CLXN: variants seen among roughly 807,000 people sequenced by gnomAD.
The protein encoded by CLXN is EF-hand calcium binding domain 1.
At chr8:48,734,053 G>A in the CLXN span, among the ~76,000 whole-genome samples, 1 of 151,970 alleles carries the variant, frequency 6.6e-6, no homozygotes, top group African/African-American at 2.4e-5. Context: ...TTTAAGATGC[G>A]TACACACACC....
chr8:48,723,031 C>T, the CLXN span, among the ~76,000 whole-genome samples: 1 of 152,022 alleles, frequency 6.6e-6, no homozygotes, highest in Non-Finnish European at 1.5e-5. Flanking sequence ...TGGTAAAAGG[C>T]TACAAAATTT....
the CLXN span, chr8:48,730,579 A>G: frequency 1.1e-5 from 17 of 1,611,994 alleles, no homozygotes; most frequent in Non-Finnish European, 1.4e-5. Context: ...AGAAACAGTG[A>G]TAATCCATGA....
chr8:48,718,212 A>G, the CLXN span, among the ~76,000 whole-genome samples: 1 of 152,330 alleles, frequency 6.6e-6, no homozygotes, highest in East Asian at 1.9e-4. Flanking sequence ...AAGAAGTATT[A>G]AGTAAAAAAT....
At chr8:48,723,603 A>C in the CLXN span, 1 of 152,290 alleles carries the variant, frequency 6.6e-6, no homozygotes, top group Non-Finnish European at 1.5e-5. Context: ...GTGTGTACCA[A>C]GAAGGCAGAA....
the CLXN span, among the ~76,000 whole-genome samples, chr8:48,727,914 G>T: frequency 6.6e-6 from 1 of 152,166 alleles, no homozygotes; most frequent in South Asian, 2.1e-4. Context: ...TTAAAAGAGA[G>T]AAATTAAAGA....
the CLXN span, chr8:48,712,446 G>C: frequency 1.3e-5 from 2 of 152,254 alleles, no homozygotes; most frequent in Admixed American, 1.3e-4. Flanking sequence ...CCACATAATA[G>C]GGGCAGTGTG....
chr8:48,730,632 A>C, the CLXN span: 1 of 1,607,608 alleles, frequency 6.2e-7, no homozygotes, highest in East Asian at 2.2e-5. Context: ...ATCTTTATCA[A>C]AACCTCGGAA....
the CLXN span, among the ~76,000 whole-genome samples, chr8:48,713,329 T>G: frequency 2.4e-4 from 36 of 152,148 alleles, no homozygotes; most frequent in African/African-American, 8.4e-4. Context: ...CTAATGCAAT[T>G]CCCAATCCTC....
the CLXN span, among the ~76,000 whole-genome samples, chr8:48,714,672 T>G: frequency 2.2e-4 from 33 of 152,290 alleles, 1 homozygote; most frequent in East Asian, 5.6e-3. Context: ...ATTAAAAGAA[T>G]GTATATTGCA....
the CLXN span, among the ~76,000 whole-genome samples, chr8:48,734,857 G>A: frequency 6.6e-6 from 1 of 152,332 alleles, no homozygotes; most frequent in South Asian, 2.1e-4. Context: ...AAATGCATGT[G>A]TGGGAGTGTA....
At chr8:48,725,138 G>A in the CLXN span, among the ~76,000 whole-genome samples, 1 of 152,148 alleles carries the variant, frequency 6.6e-6, no homozygotes, top group African/African-American at 2.4e-5. Context: ...AGTCCAGGAG[G>A]AACAATCAAG....
chr8:48,712,648 C>T, the CLXN span, among the ~76,000 whole-genome samples: 8 of 152,182 alleles, frequency 5.3e-5, no homozygotes, highest in Admixed American at 2.6e-4. Context: ...CAGACGTGCG[C>T]CCAGCCTCAT....
chr8:48,729,063 C>A, the CLXN span: 8 of 1,612,118 alleles, frequency 5.0e-6, no homozygotes, highest in Non-Finnish European at 6.8e-6. Context: ...GAAGACATGG[C>A]CCAAAGGCCT....
chr8:48,716,348 G>A, the CLXN span: 1 of 152,232 alleles, frequency 6.6e-6, no homozygotes, highest in Non-Finnish European at 1.5e-5. Context: ...TGCAGCCCCG[G>A]TTCCAGCCTG....
the CLXN span, among the ~76,000 whole-genome samples, chr8:48,718,944 A>G: frequency 6.6e-6 from 1 of 152,066 alleles, no homozygotes; most frequent in Non-Finnish European, 1.5e-5. Context: ...GAAAGAAATA[A>G]TAAAGATAAA....
the CLXN span, chr8:48,724,735 T>C: frequency 2.5e-6 from 4 of 1,604,720 alleles, no homozygotes; most frequent in Non-Finnish European, 3.4e-6. Context: ...TATAGACATT[T>C]AGTTATTCAC....
At chr8:48,728,176 C>T in the CLXN span, among the ~76,000 whole-genome samples, 1 of 152,182 alleles carries the variant, frequency 6.6e-6, no homozygotes, top group Non-Finnish European at 1.5e-5. Flanking sequence ...ATCTGAGCTC[C>T]AAGCTCCACA....
the CLXN span, chr8:48,730,013 C>T: frequency 0.75 from 496,846 of 658,440 alleles, 187,972 homozygotes; most frequent in African/African-American, 0.81. Flanking sequence ...TAAGTGTCAA[C>T]GTATACTAGG....
chr8:48,716,798 C>T, the CLXN span, among the ~76,000 whole-genome samples: 80 of 151,674 alleles, frequency 5.3e-4, no homozygotes, highest in East Asian at 5.8e-4. Flanking sequence ...AAAAGAATGA[C>T]GAAATCCTAC....
Sources: gnomAD v4.1 joint callset for allele counts (sites outside exome capture counted in the v4.1 genomes callset) on GRCh38, gnomAD v4.1.1 for gene constraint, MANE v1.5 for transcripts, NCBI Gene and HGNC (gene_info 2026-07-23, HGNC 2026-07-21) for gene names.